The following MNS1 variants were observed in gnomAD, a reference collection of about 807,000 sequenced individuals.
MNS1 encodes meiosis-specific nuclear structural protein 1.
A neutral mutation model predicts 72.0 loss-of-function variants in MNS1; 63 were observed. The observed-to-expected ratio is 0.87, with a 90% CI of 0.71 to 1.08. The LOEUF (loss-of-function observed/expected upper bound fraction) is 1.08. Ranked by LOEUF, MNS1 falls within the 50% of genes least tolerant of loss-of-function variation. The pLI is 0.00. For missense variants in MNS1, 604 were observed against 562.4 expected (o/e 1.07, Z -0.75); for synonymous variants, 188 against 172.1 (o/e 1.09, Z -0.72).
At chr15:56,460,498 C>G (rs1212519390) in intron 2 of MNS1, among the ~76,000 whole-genome samples, 1 of 152,158 alleles carries the variant, frequency 6.6e-6, no homozygotes, top group Non-Finnish European at 1.5e-5. Context: ...CTGAATAAAT[C>G]TCACAGTTAA....
intron 3 of MNS1, among the ~76,000 whole-genome samples, chr15:56,451,658 G>A (rs1416166839): frequency 2.0e-5 from 3 of 152,110 alleles, no homozygotes; most frequent in African/African-American, 7.2e-5. Context: ...GACAGTCTCT[G>A]ATTAATGATG....
In MNS1 at chr15:56,465,071, C is replaced by G; in HGVS notation, c.-99G>C. On this transcript the variant is annotated 5_prime_UTR_variant, in exon 1 of 10. Coordinates refer to ENST00000260453, the MANE Select transcript of MNS1 (RefSeq NM_018365.4). ...GCCCCAAGGAGCGCACCTGGCTGCG[C>G]GCGCTCGGGTGTTTACGCGGCGTCT... 6.6e-7 allele frequency: 1 copy of G among 1,521,022 alleles called. No homozygotes were observed. The highest frequency in any genetic ancestry group is 1.2e-5 in the South Asian group (1 of 83,018). 94.2% of individuals were successfully genotyped at this position (1,521,022 alleles called of 1,614,324 possible).
intron 9 of MNS1, chr15:56,429,450 C>T (rs577709681): frequency 6.0e-6 from 2 of 334,082 alleles, no homozygotes; most frequent in East Asian, 1.5e-4. Flanking sequence ...CTGAGCTCTT[C>T]TACAAGTTCT....
chr15:56,433,996 G>T, intron 8 of MNS1, 142 bp downstream of exon 8: 2 of 877,658 alleles, frequency 2.3e-6, no homozygotes, highest in Non-Finnish European at 3.2e-6. Context: ...AAGCAAAAAT[G>T]GTCAGAAAAT....
At chr15:56,431,278 A>T (rs1298362758) in intron 9 of MNS1, 95 bp downstream of exon 9, 2 of 1,440,832 alleles carry the variant, frequency 1.4e-6, no homozygotes, top group African/African-American at 2.9e-5. Flanking sequence ...CCGAGCAAGA[A>T]GTGAGCAAAA....
intron 3 of MNS1, among the ~76,000 whole-genome samples, chr15:56,454,418 T>C (rs1332267965): frequency 6.6e-6 from 1 of 152,184 alleles, no homozygotes; most frequent in East Asian, 1.9e-4. Context: ...ATAGTCACCC[T>C]GCTGTGCTAT....
intron 7 of MNS1, among the ~76,000 whole-genome samples, chr15:56,435,955 G>C (rs978902773): frequency 6.6e-6 from 1 of 151,968 alleles, no homozygotes; most frequent in Non-Finnish European, 1.5e-5. Context: ...TGACCAAGTA[G>C]TGTTTATTAC....
rs150306860 is a variant in MNS1 at position 56,458,946 on chromosome 15, A to G, written c.226-2425T>C. ...GTGCTATGGCAGCTATAAAGCTGCC[A>G]TGTTATATTTTTATAAATGCTATAG... On this transcript the variant is annotated intron_variant, in intron 2 of 9. Transcript: ENST00000260453. Among the ~76,000 whole-genome samples, 3 of 152,326 alleles carry G rather than the reference A, an allele frequency of 2.0e-5. No homozygotes were observed. In the East Asian group the frequency reaches 5.8e-4, roughly 29 times the overall value.
chr15:56,456,402 TCTTA>T lies in MNS1; in HGVS notation c.341_344del (p.Val114GlufsTer14), dbSNP rs1311434715. 1.9e-6 allele frequency: 3 copies of T among 1,605,542 alleles called. No homozygotes were observed. Among genetic ancestry groups the T allele is most frequent in the Admixed American group, 3.5e-5 (2 of 57,872 alleles). ...TAGAGAAACCAAGATACCTGTTTTC[TCTTA>T]CTTGTTGCCTCATCTTTTCGTCCTT... On this transcript the variant is annotated frameshift_variant, in exon 3 of 10. Coordinates refer to ENST00000260453, the MANE Select transcript of MNS1 (RefSeq NM_018365.4). LOFTEE classifies it high-confidence loss of function.
chr15:56,461,072 G>A (rs1596269352), intron 2 of MNS1, among the ~76,000 whole-genome samples: 3 of 152,258 alleles, frequency 2.0e-5, no homozygotes, highest in Middle Eastern at 3.4e-3. Context: ...AATCAGGCAT[G>A]AAGAATTCTG....
chr15:56,453,805 A>T (rs11857306), intron 3 of MNS1, among the ~76,000 whole-genome samples: 1 of 151,974 alleles, frequency 6.6e-6, no homozygotes, highest in Non-Finnish European at 1.5e-5. Flanking sequence ...ATCAATTAAC[A>T]GGAGTCATGA....
At chr15:56,433,425 T>C (rs200186741) in intron 8 of MNS1, among the ~76,000 whole-genome samples, 1 of 83,710 alleles carries the variant, frequency 1.2e-5, no homozygotes, top group Non-Finnish European at 2.6e-5. Flanking sequence ...CTTAAAAATA[T>C]TAAAAAAATA....
At chr15:56,430,118 C>T (rs2050536525) in intron 9 of MNS1, 1 of 152,138 alleles carries the variant, frequency 6.6e-6, no homozygotes, top group Non-Finnish European at 1.5e-5. Context: ...CTTGATTCTA[C>T]TGAATAAAAT....
At chr15:56,438,355 C>T (rs1429902054) in intron 7 of MNS1, among the ~76,000 whole-genome samples, 3 of 151,852 alleles carry the variant, frequency 2.0e-5, no homozygotes, top group African/African-American at 7.3e-5. Flanking sequence ...ACAAAAAAGA[C>T]AGGTTTGTTA....
rs1413312340 is a variant in MNS1, at chr15:56,465,055, A to T, written c.-83T>A. On this transcript the variant is annotated 5_prime_UTR_variant, in exon 1 of 10. Coordinates refer to ENST00000260453, the MANE Select transcript of MNS1 (RefSeq NM_018365.4). Reference sequence around the variant, plus strand: ...AACGCAGCAGCCAGCAGCCCCAAGGAGCGCACCTGGCTGCGCGCGCTCGGG... The same window carrying T: ...AACGCAGCAGCCAGCAGCCCCAAGGTGCGCACCTGGCTGCGCGCGCTCGGG... 1 of 1,564,160 alleles carries T rather than the reference A, an allele frequency of 6.4e-7. No homozygotes were observed. Among genetic ancestry groups the T allele is most frequent in the African/African-American group, 1.4e-5 (1 of 72,420 alleles).
intron 7 of MNS1, among the ~76,000 whole-genome samples, chr15:56,439,230 G>C (rs992488983): frequency 6.6e-6 from 1 of 152,130 alleles, no homozygotes; most frequent in Non-Finnish European, 1.5e-5. Context: ...TACAGGATTT[G>C]TATGCTGAAA....
intron 7 of MNS1, among the ~76,000 whole-genome samples, chr15:56,438,689 C>T (rs1299922064): frequency 2.0e-5 from 3 of 152,112 alleles, no homozygotes; most frequent in Non-Finnish European, 4.4e-5. Flanking sequence ...AAAGAAACTA[C>T]CATCAGAGTG....
intron 8 of MNS1, among the ~76,000 whole-genome samples, chr15:56,432,765 G>A (rs574476070): frequency 4.1e-4 from 63 of 152,226 alleles, no homozygotes; most frequent in Admixed American, 2.0e-3. Context: ...GAGAACAGAT[G>A]AGCTCCAATC....
At chr15:56,449,354 T>A (rs2050932295) in intron 3 of MNS1, among the ~76,000 whole-genome samples, 1 of 149,982 alleles carries the variant, frequency 6.7e-6, no homozygotes, top group Non-Finnish European at 1.5e-5. Flanking sequence ...ATGATTCATA[T>A]CAATGGGCTT....
Sources: gnomAD v4.1 joint callset for allele counts (sites outside exome capture counted in the v4.1 genomes callset) on GRCh38, gnomAD v4.1.1 for gene constraint, MANE v1.5 for transcripts, NCBI Gene and HGNC (gene_info 2026-07-23, HGNC 2026-07-21) for gene names.